Variants in GLYATL2 observed in about 807,000 individuals in gnomAD.
GLYATL2 encodes glycine N-acyltransferase-like protein 2.
In GLYATL2, 25 loss-of-function variants were observed where a neutral mutation model predicts 21.4. The observed-to-expected ratio is 1.17, with a 90% confidence interval of 0.85 to 1.63. The LOEUF (loss-of-function observed/expected upper bound fraction) is 1.63, where lower values mean the gene tolerates loss of function less well. Ranked by LOEUF, GLYATL2 falls within the 40% of genes most tolerant of loss-of-function variation. The pLI, the probability that GLYATL2 is intolerant of heterozygous loss-of-function variation, is 0.00. For missense variants in GLYATL2, 361 were observed against 343.3 expected (o/e 1.05, Z -0.41); for synonymous variants, 114 against 118.2 (o/e 0.96, Z 0.23).
Position 58,898,742 on chromosome 11 carries a change from A to G in GLYATL2, n.60+5414T>C, listed in dbSNP as rs111254327. 5.6e-3 allele frequency among the ~76,000 whole-genome samples: 846 copies of G among 152,196 alleles called. 5 individuals carry two copies. Among genetic ancestry groups the G allele is most frequent in the Non-Finnish European group, 9.5e-3 (647 of 68,020 alleles). ...CAGTTACTCCGGAGGCTCAGGCAGG[A>G]GAATGGCGTGAACCTGGGAGGTGGA... On this transcript the variant is annotated intron_variant and non_coding_transcript_variant, in intron 1 of 4. Transcript: ENST00000533636.
intron 1 of GLYATL2, among the ~76,000 whole-genome samples, chr11:58,850,811 TCA>T (rs1221799275): frequency 3.9e-5 from 6 of 152,118 alleles, no homozygotes; most frequent in South Asian, 2.1e-4. Flanking sequence ...GGGCCTGACA[TCA>T]GTCAGGCCCA....
Position 58,834,324 on chromosome 11 carries a change from C to A in GLYATL2, c.*105G>T, listed in dbSNP as rs1353521657. On this transcript the variant is annotated 3_prime_UTR_variant, in exon 6 of 6. Transcript: ENST00000287275. ...GGGTGAGCTTAAGTAATACACAGAT[C>A]CTAGATAATCAGTTGCATTTTGTGC... is the stretch of plus-strand genomic sequence containing the variant. 1 of 875,074 alleles carries A rather than the reference C, an allele frequency of 1.1e-6. No homozygotes were observed. The highest frequency in any genetic ancestry group is 1.7e-6 in the Non-Finnish European group (1 of 581,178). 54.2% of individuals were successfully genotyped at this position (875,074 alleles called of 1,614,324 possible).
intron 1 of GLYATL2, chr11:58,893,088 TG>T: frequency 2.5e-6 from 1 of 400,756 alleles, no homozygotes; most frequent in Non-Finnish European, 4.7e-6. Flanking sequence ...TCTCTTATTC[TG>T]GGCTGGTAAA....
At chr11:58,870,310 C>T (rs117042105) in intron 1 of GLYATL2, among the ~76,000 whole-genome samples, 2,090 of 152,168 alleles carry the variant, frequency 0.014, 27 homozygotes, top group Non-Finnish European at 0.022. Flanking sequence ...AGGACAGCTA[C>T]GTGCTTGAAG....
chr11:58,903,678 A>C (rs1221501384), intron 1 of GLYATL2, among the ~76,000 whole-genome samples: 1 of 152,184 alleles, frequency 6.6e-6, no homozygotes, highest in African/African-American at 2.4e-5. Flanking sequence ...GTCTCAAAAA[A>C]CAAAATAAAA....
In GLYATL2 at chr11:58,865,808, T is replaced by G. The variant is rs563242300; in HGVS notation, n.61-27440A>C. 1.3e-5 allele frequency among the ~76,000 whole-genome samples: 2 copies of G among 148,852 alleles called. 1 individual carries two copies. The highest frequency in any genetic ancestry group is 4.5e-4 in the East Asian group (2 of 4,488). On this transcript the variant is annotated intron_variant and non_coding_transcript_variant, in intron 1 of 4. Transcript: ENST00000533636. Reference sequence around the variant, plus strand: ...GCATTAGCAGGGACTAAGCAAATAATGAAAGCTAAATTTGGGGTAGAAAAA... The same window carrying G: ...GCATTAGCAGGGACTAAGCAAATAAGGAAAGCTAAATTTGGGGTAGAAAAA...
At chr11:58,892,962 A>G (rs1854570745) in intron 1 of GLYATL2, 1 of 301,650 alleles carries the variant, frequency 3.3e-6, no homozygotes, top group East Asian at 6.2e-5. Context: ...AAGGTTGTCA[A>G]TGGTCAAAAT....
At chr11:58,852,338 T>A (rs1853756753) in intron 1 of GLYATL2, among the ~76,000 whole-genome samples, 1 of 152,236 alleles carries the variant, frequency 6.6e-6, no homozygotes, top group Non-Finnish European at 1.5e-5. Context: ...CTTTTAAAGC[T>A]GCTATGGACA....
In GLYATL2 at chr11:58,836,528, T is replaced by A. The variant is rs562426085; in HGVS notation, c.476+487A>T. Among the ~76,000 whole-genome samples the A allele has an allele frequency of 7.6e-4, 115 of 152,264 alleles. 1 individual carries two copies. Among genetic ancestry groups the A allele is most frequent in the African/African-American group, 2.7e-3 (113 of 41,540 alleles). On this transcript the variant is annotated intron_variant, in intron 5 of 5. Transcript: ENST00000287275. ...ATATATTTACACAACTGTGCAATGA[T>A]CTATTTATGATGATATTCATTGCAG...
chr11:58,877,895 C>T (rs187922819), intron 1 of GLYATL2, among the ~76,000 whole-genome samples: 53 of 152,286 alleles, frequency 3.5e-4, no homozygotes, highest in African/African-American at 1.0e-3. Context: ...TTTGGGTGAA[C>T]GGTAACCTAC....
At chr11:58,883,476 A>G (rs1347649890) in intron 1 of GLYATL2, among the ~76,000 whole-genome samples, 1 of 152,228 alleles carries the variant, frequency 6.6e-6, no homozygotes, top group African/African-American at 2.4e-5. Context: ...GAAGAAATGG[A>G]TAAATTCCTG....
At chr11:58,866,299 A>C (rs572092751) in intron 1 of GLYATL2, among the ~76,000 whole-genome samples, 1 of 148,712 alleles carries the variant, frequency 6.7e-6, no homozygotes, top group African/African-American at 2.4e-5. Context: ...TATCTTTTTG[A>C]CCCAAAAGTA....
At chr11:58,881,592 T>C (rs934619393) in intron 1 of GLYATL2, among the ~76,000 whole-genome samples, 9 of 152,234 alleles carry the variant, frequency 5.9e-5, no homozygotes, top group African/African-American at 2.2e-4. Flanking sequence ...AGGCTGATTT[T>C]TTTTTATTAT....
upstream of GLYATL2, among the ~76,000 whole-genome samples, chr11:58,847,033 G>A (rs1287782531): frequency 1.3e-5 from 2 of 152,066 alleles, no homozygotes; most frequent in African/African-American, 4.8e-5. Flanking sequence ...AAATAGAGTT[G>A]TGAGGCCCCC....
chr11:58,858,468 T>A lies in GLYATL2; in HGVS notation n.61-20100A>T, dbSNP rs1441405781. Among the ~76,000 whole-genome samples the A allele has an allele frequency of 1.3e-4, 19 of 151,204 alleles. No individual in the cohort carries two copies. The East Asian group carries it at 2.3e-3, about 19-fold the overall frequency. Reference sequence around the variant, plus strand: ...TTAAAGATGAAGAATTGGGCTTTTTTAAAAAAAAAAAAAATTGGATCAAAT... The same window carrying A: ...TTAAAGATGAAGAATTGGGCTTTTTAAAAAAAAAAAAAAATTGGATCAAAT... On this transcript the variant is annotated intron_variant and non_coding_transcript_variant, in intron 1 of 4. Coordinates refer to the GLYATL2 transcript ENST00000533636.
intron 1 of GLYATL2, chr11:58,885,500 T>C: frequency 5.9e-6 from 3 of 505,884 alleles, no homozygotes; most frequent in Non-Finnish European, 1.2e-5. Flanking sequence ...GGTGGACTCC[T>C]GGCCCGAGTA....
rs202103606 is a variant in GLYATL2, at chr11:58,834,851, G to T, written c.477-14C>A. 11 of 1,541,128 alleles carry T rather than the reference G, an allele frequency of 7.1e-6. No homozygotes were observed. In the Middle Eastern group the frequency reaches 7.0e-4, roughly 98 times the overall value. ...AAGTTTCCTTCCCTGTGAAGAAAAA[G>T]AATTTTACATTTATTCAGCCAATAT... is the stretch of plus-strand genomic sequence containing the variant. On this transcript the variant is annotated splice_polypyrimidine_tract_variant and intron_variant, in intron 5 of 5. Transcript: ENST00000287275.
At chr11:58,837,460 G>A in intron 3 of GLYATL2, 63 bp from the exon 4 acceptor site, 1 of 1,440,776 alleles carries the variant, frequency 6.9e-7, no homozygotes, top group Non-Finnish European at 9.7e-7. Context: ...TTCTTGCATA[G>A]GTCTAGAGTG....
intron 1 of GLYATL2, among the ~76,000 whole-genome samples, chr11:58,877,727 T>C (rs556097040): frequency 6.6e-6 from 1 of 152,292 alleles, no homozygotes; most frequent in Admixed American, 6.5e-5. Flanking sequence ...AAAAAGTGTT[T>C]CAGTAGAATG....
Sources: allele counts gnomAD v4.1 joint callset (sites outside exome capture counted in the v4.1 genomes callset), GRCh38; gene constraint gnomAD v4.1.1; transcripts MANE v1.5; gene names NCBI Gene and HGNC (gene_info 2026-07-23, HGNC 2026-07-21).